Variants in CDH20 observed in about 807,000 individuals in gnomAD.
CDH20 encodes cadherin 20, also known as cadherin-20.
In CDH20, 29 loss-of-function variants were observed where a neutral mutation model predicts 74.2. The observed-to-expected ratio is 0.39, with a 90% CI of 0.29 to 0.53. CDH20 has a LOEUF of 0.53. Ranked by LOEUF, CDH20 falls within the 20% of genes least tolerant of loss-of-function variation. The probability of loss-of-function intolerance (pLI) is 0.69; values close to 1 mark genes in which losing one functional copy is unlikely to be tolerated. For synonymous variants in CDH20, 469 were observed against 405.4 expected, an observed-to-expected ratio of 1.16 and a Z score of -1.88; for missense variants, 988 against 1,048.3, an observed-to-expected ratio of 0.94 and a Z score of 0.79.
Position 61,545,096 on chromosome 18 carries a change from G to A in CDH20, c.1600G>A (p.Ala534Thr), listed in dbSNP as rs1484577021. 1 of 1,613,878 alleles carries A rather than the reference G, an allele frequency of 6.2e-7. No homozygotes were observed. The highest frequency in any genetic ancestry group is 1.1e-5 in the South Asian group (1 of 91,076). Residue 534 changes from alanine (A) to threonine (T), a missense_variant, in exon 10 of 12, where the codon GCT (alanine) becomes ACT (threonine). This residue lies in a region of CDH20 where 613 missense variants were observed against 755.2 expected (regional missense o/e 0.81). Coordinates refer to ENST00000262717, the MANE Select transcript of CDH20 (RefSeq NM_031891.4). ...RNGQHFYYSL[A>T]PEAANNPNFT... Reference sequence around the variant, plus strand: ...TGGTCAGCATTTCTACTACAGCTTGGCTCCTGAGGCTGCTAACAACCCCAA... The same window carrying A: ...TGGTCAGCATTTCTACTACAGCTTGACTCCTGAGGCTGCTAACAACCCCAA...
At chr18:61,424,192 C>T (rs1443514631) in intron 1 of CDH20, among the ~76,000 whole-genome samples, 11 of 152,218 alleles carry the variant, frequency 7.2e-5, no homozygotes, top group Admixed American at 7.2e-4. Flanking sequence ...TCCATCACCT[C>T]AAACATTTAT....
At chr18:61,335,895 C>T (rs1909741926) in intron 1 of CDH20, among the ~76,000 whole-genome samples, 1 of 152,212 alleles carries the variant, frequency 6.6e-6, no homozygotes, top group Non-Finnish European at 1.5e-5. Flanking sequence ...GCATTCTTGA[C>T]ATTCTTGTGC....
In CDH20 at chr18:61,499,068, C is replaced by T. The variant is rs151023560; in HGVS notation, c.247-118C>T. The T allele has an allele frequency of 2.2e-4, 166 of 754,510 alleles. 1 individual carries two copies. The highest frequency in any genetic ancestry group is 1.4e-4 in the Non-Finnish European group (68 of 483,102). 46.7% of individuals were successfully genotyped at this position (754,510 alleles called of 1,614,324 possible). ...GTTCTTTGTCGACAAACTTATTAAA[C>T]ATTTGAAAAATCTCCTTATGTAAAG... On this transcript the variant is annotated intron_variant, in intron 2 of 11. Coordinates refer to ENST00000262717, the MANE Select transcript of CDH20 (RefSeq NM_031891.4).
chr18:61,350,368 G>A (rs933785065), intron 1 of CDH20, among the ~76,000 whole-genome samples: 2 of 152,032 alleles, frequency 1.3e-5, no homozygotes, highest in Admixed American at 1.3e-4. Context: ...TAATGGGACT[G>A]CACTCCCTTT....
chr18:61,434,910 G>A (rs1225228616), intron 1 of CDH20, among the ~76,000 whole-genome samples: 1 of 152,066 alleles, frequency 6.6e-6, no homozygotes, highest in African/African-American at 2.4e-5. Context: ...ACATGTCTAA[G>A]ATAAGGACTG....
At chr18:61,487,428 G>A (rs1426416126) in intron 1 of CDH20, among the ~76,000 whole-genome samples, 1 of 152,168 alleles carries the variant, frequency 6.6e-6, no homozygotes, top group Non-Finnish European at 1.5e-5. Context: ...AGAAAGTTAG[G>A]CAGGGAGTCT....
chr18:61,539,601 G>A (rs1912954850), intron 9 of CDH20, among the ~76,000 whole-genome samples: 1 of 152,152 alleles, frequency 6.6e-6, no homozygotes, highest in Non-Finnish European at 1.5e-5. Flanking sequence ...CTGCTCTGAG[G>A]CCTGGAAGTG....
At chr18:61,469,589 C>A (rs994677935) in intron 1 of CDH20, among the ~76,000 whole-genome samples, 5 of 152,128 alleles carry the variant, frequency 3.3e-5, no homozygotes, top group Non-Finnish European at 7.4e-5. Context: ...GTGTATGTGA[C>A]CCTCAAGCAA....
intron 1 of CDH20, among the ~76,000 whole-genome samples, chr18:61,468,578 C>T (rs1173741737): frequency 6.6e-6 from 1 of 152,060 alleles, no homozygotes; most frequent in Non-Finnish European, 1.5e-5. Context: ...CCCTTTTTCC[C>T]CCCTACTTGC....
intron 1 of CDH20, among the ~76,000 whole-genome samples, chr18:61,344,737 C>G (rs1462164529): frequency 6.6e-6 from 1 of 152,150 alleles, no homozygotes; most frequent in Non-Finnish European, 1.5e-5. Flanking sequence ...ATTTCAGATG[C>G]TGTTCTATAA....
At chr18:61,419,426 T>G (rs1369218402) in intron 1 of CDH20, among the ~76,000 whole-genome samples, 1 of 152,208 alleles carries the variant, frequency 6.6e-6, no homozygotes, top group Non-Finnish European at 1.5e-5. Flanking sequence ...TTTGTGTATA[T>G]TCATTTGTGT....
chr18:61,336,657 C>A (rs1478870175), intron 1 of CDH20, among the ~76,000 whole-genome samples: 1 of 152,100 alleles, frequency 6.6e-6, no homozygotes, highest in African/African-American at 2.4e-5. Context: ...TTGTATTTTT[C>A]TTTCCCTCAT....
At chr18:61,500,233 C>T (rs1023417130) in intron 3 of CDH20, 150 bp from the exon 4 acceptor site, 3 of 586,184 alleles carry the variant, frequency 5.1e-6, no homozygotes, top group African/African-American at 3.8e-5. Context: ...TAAACAGGTA[C>T]AAGATAAGAG....
intron 1 of CDH20, among the ~76,000 whole-genome samples, chr18:61,487,199 C>T (rs1230154418): frequency 1.3e-5 from 2 of 152,146 alleles, no homozygotes; most frequent in African/African-American, 2.4e-5. Context: ...TACAAATACA[C>T]ATGTATCAGT....
chr18:61,499,823 GGT>G (rs1216059346), intron 3 of CDH20, among the ~76,000 whole-genome samples: 10 of 152,104 alleles, frequency 6.6e-5, no homozygotes, highest in Admixed American at 2.0e-4. Flanking sequence ...GGTTAGGCGC[GGT>G]GGCTCACGCC....
intron 1 of CDH20, among the ~76,000 whole-genome samples, chr18:61,421,869 T>C (rs1033842834): frequency 2.6e-5 from 4 of 152,090 alleles, no homozygotes; most frequent in Non-Finnish European, 4.4e-5. Context: ...CTGGAAAAAT[T>C]TTATTTGGTC....
chr18:61,515,639 T>C (rs1476638335), intron 6 of CDH20, among the ~76,000 whole-genome samples: 2 of 150,576 alleles, frequency 1.3e-5, no homozygotes, highest in African/African-American at 4.9e-5. Flanking sequence ...GGGACATGGA[T>C]GAAATTGGAA....
At chr18:61,457,498 C>G (rs1292076871) in intron 1 of CDH20, among the ~76,000 whole-genome samples, 2 of 152,192 alleles carry the variant, frequency 1.3e-5, no homozygotes, top group Non-Finnish European at 2.9e-5. Context: ...GGCAGAGGCA[C>G]TCCCTACTTA....
At chr18:61,474,865 G>C (rs1254437521) in intron 1 of CDH20, among the ~76,000 whole-genome samples, 2 of 152,104 alleles carry the variant, frequency 1.3e-5, no homozygotes, top group Non-Finnish European at 2.9e-5. Flanking sequence ...AGCAAGGAAG[G>C]GCCGGGGAAA....
Sources: gnomAD v4.1 joint callset for allele counts (sites outside exome capture counted in the v4.1 genomes callset) on GRCh38, gnomAD v4.1.1 for gene constraint, gnomAD v4.1.1 regional missense constraint, MANE v1.5 for transcripts, NCBI Gene and HGNC (gene_info 2026-07-23, HGNC 2026-07-21) for gene names.